Variants in MSI2 observed in about 807,000 individuals in gnomAD.
MSI2 encodes the protein RNA-binding protein Musashi homolog 2.
In MSI2, 17 loss-of-function variants were observed where a neutral mutation model predicts 45.6. The observed-to-expected ratio is 0.37, with a 90% CI of 0.26 to 0.56. MSI2 has a LOEUF of 0.56. Among genes scored for constraint, MSI2 ranks in the 20% least tolerant of loss-of-function variants. The pLI, the probability that MSI2 is intolerant of heterozygous loss-of-function variation, is 0.77. For synonymous variants in MSI2, 156 were observed against 158.2 expected, an observed-to-expected ratio of 0.99 and a Z score of 0.11; for missense variants, 293 against 444.2, an observed-to-expected ratio of 0.66 and a Z score of 3.06.
intron 6 of MSI2, among the ~76,000 whole-genome samples, chr17:57,416,129 G>A (rs2084289840): frequency 6.6e-6 from 1 of 152,156 alleles, no homozygotes; most frequent in South Asian, 2.1e-4. Context: ...TAAATGCCAA[G>A]TTTCTATTGA....
chr17:57,256,626 G>C lies in MSI2; in HGVS notation c.-117G>C. 1 of 461,288 alleles carries C rather than the reference G, an allele frequency of 2.2e-6. No homozygotes were observed. The highest frequency in any genetic ancestry group is 4.9e-5 in the South Asian group (1 of 20,424). 28.6% of individuals were successfully genotyped at this position (461,288 alleles called of 1,614,324 possible). A position where few individuals can be genotyped will look rare whatever the true frequency, so the allele number is the denominator to read the frequency against. ...AGAGATTCGGAGGAGCCCGGGCGGGGGGGAGGAGGAGGGGGAGGAGGGAGC... is the reference window on the plus strand; with the variant it reads ...AGAGATTCGGAGGAGCCCGGGCGGGCGGGAGGAGGAGGGGGAGGAGGGAGC... On this transcript the variant is annotated 5_prime_UTR_variant, in exon 1 of 14. Coordinates refer to ENST00000284073, the MANE Select transcript of MSI2 (RefSeq NM_138962.4).
chr17:57,648,170 TGTG>T (rs1567958391), intron 10 of MSI2, among the ~76,000 whole-genome samples: 5 of 149,296 alleles, frequency 3.3e-5, no homozygotes, highest in African/African-American at 1.3e-4. Flanking sequence ...TGTGTGTGTG[TGTG>T]TGTGTGTGTT....
intron 6 of MSI2, among the ~76,000 whole-genome samples, chr17:57,429,980 A>G (rs11079300): frequency 0.74 from 112,451 of 152,172 alleles, 41,801 homozygotes; most frequent in East Asian, 0.84. Context: ...AGTAGAAAGT[A>G]TTTGATAGGA....
At chr17:57,566,991 G>T (rs1250568915) in intron 7 of MSI2, among the ~76,000 whole-genome samples, 7 of 152,174 alleles carry the variant, frequency 4.6e-5, no homozygotes, top group Non-Finnish European at 1.0e-4. Flanking sequence ...TCCTATCCGT[G>T]CCCTGGAGGG....
intron 6 of MSI2, among the ~76,000 whole-genome samples, chr17:57,475,804 T>TAC (rs56753762): frequency 0.44 from 66,489 of 150,220 alleles, 15,921 homozygotes; most frequent in South Asian, 0.69. Context: ...CATGCTTGTG[T>TAC]ACACACACAC....
intron 7 of MSI2, among the ~76,000 whole-genome samples, chr17:57,563,213 G>A (rs950100461): frequency 6.0e-5 from 9 of 150,524 alleles, no homozygotes; most frequent in Admixed American, 1.3e-4. Flanking sequence ...TCCGTCACCC[G>A]AACAACATAC....
At chr17:57,585,613 C>T (rs963163758) in intron 7 of MSI2, among the ~76,000 whole-genome samples, 6 of 152,214 alleles carry the variant, frequency 3.9e-5, no homozygotes, top group Non-Finnish European at 5.9e-5. Context: ...GTGTGTTGCT[C>T]GCTGCATGGA....
intron 5 of MSI2, among the ~76,000 whole-genome samples, chr17:57,391,347 C>T (rs991477287): frequency 6.6e-6 from 1 of 152,086 alleles, no homozygotes; most frequent in Non-Finnish European, 1.5e-5. Context: ...AGCCAGTGTC[C>T]TAGGCCTGTT....
Position 57,480,238 on chromosome 17 carries a change from C to T in MSI2, c.406-49438C>T, listed in dbSNP as rs562546752. Among the ~76,000 whole-genome samples, 12 of 152,278 alleles carry T rather than the reference C, an allele frequency of 7.9e-5. No homozygotes were observed. The South Asian group carries it at 2.5e-3, about 32-fold the overall frequency. On this transcript the variant is annotated intron_variant, in intron 6 of 13. Transcript: ENST00000284073. ...TCAGCCTCCCAAAGTGCTGGGGTTA[C>T]ACATGTGAGCCACCACGCCCAGCCA...
chr17:57,660,000 A>G (rs1911876433), intron 11 of MSI2, among the ~76,000 whole-genome samples: 1 of 152,038 alleles, frequency 6.6e-6, no homozygotes, highest in African/African-American at 2.4e-5. Flanking sequence ...TGTATCAGAA[A>G]CCTCCCAACT....
At chr17:57,353,203 C>T (rs1916161941) in intron 5 of MSI2, among the ~76,000 whole-genome samples, 1 of 152,188 alleles carries the variant, frequency 6.6e-6, no homozygotes, top group African/African-American at 2.4e-5. Context: ...CAAGTATAGC[C>T]TGGCCTCCTG....
At chr17:57,435,633 A>G (rs1938013472) in intron 6 of MSI2, among the ~76,000 whole-genome samples, 1 of 152,180 alleles carries the variant, frequency 6.6e-6, no homozygotes, top group South Asian at 2.1e-4. Flanking sequence ...CTTAAAGTCA[A>G]TACAGCATGC....
Position 57,512,253 on chromosome 17 carries a change from A to G in MSI2, c.406-17423A>G, listed in dbSNP as rs2086372001. 1.3e-5 allele frequency among the ~76,000 whole-genome samples: 2 copies of G among 152,226 alleles called. 1 individual carries two copies. The highest frequency in any genetic ancestry group is 4.1e-4 in the South Asian group (2 of 4,828). On this transcript the variant is annotated intron_variant, in intron 6 of 13. Transcript: ENST00000284073. ...AAAGTCTTTGGGCCTAATATGGTAA[A>G]TATGAGTTGATTAATTTTTTTTTTC... is the stretch of plus-strand genomic sequence containing the variant.
At chr17:57,491,019 G>A (rs1598328077) in intron 6 of MSI2, among the ~76,000 whole-genome samples, 1 of 152,240 alleles carries the variant, frequency 6.6e-6, no homozygotes, top group African/African-American at 2.4e-5. Context: ...GGGTTCCGGG[G>A]TGGGGAGGAC....
At chr17:57,262,236 A>T (rs772621490) in intron 5 of MSI2, 44 bp downstream of exon 5, 3 of 1,598,822 alleles carry the variant, frequency 1.9e-6, no homozygotes, top group Non-Finnish European at 2.6e-6. Context: ...CTCAGAGATG[A>T]TTGCCAAGAA....
intron 5 of MSI2, among the ~76,000 whole-genome samples, chr17:57,309,523 C>T (rs147600055): frequency 5.8e-4 from 88 of 152,092 alleles, no homozygotes; most frequent in African/African-American, 1.1e-3. Context: ...TATATTGGGG[C>T]GGGAGGACTT....
chr17:57,486,691 G>A (rs979323313), intron 6 of MSI2, among the ~76,000 whole-genome samples: 9 of 152,092 alleles, frequency 5.9e-5, no homozygotes, highest in African/African-American at 1.9e-4. Context: ...TGTTAATTCC[G>A]AGCTGGGAGG....
At chr17:57,427,596 G>A (rs931058501) in intron 6 of MSI2, among the ~76,000 whole-genome samples, 11 of 152,076 alleles carry the variant, frequency 7.2e-5, no homozygotes, top group African/African-American at 2.4e-4. Flanking sequence ...ATGAGGCCAC[G>A]TACGTAAAGT....
chr17:57,374,466 C>A (rs1305304010), intron 5 of MSI2, among the ~76,000 whole-genome samples: 1 of 152,126 alleles, frequency 6.6e-6, no homozygotes, highest in Admixed American at 6.5e-5. Context: ...CTACATTTTC[C>A]CTCAAAATCC....
Sources: allele counts gnomAD v4.1 joint callset (sites outside exome capture counted in the v4.1 genomes callset), GRCh38; gene constraint gnomAD v4.1.1; transcripts MANE v1.5; gene names NCBI Gene and HGNC (gene_info 2026-07-23, HGNC 2026-07-21).